Variants in PLEKHG7 observed in about 807,000 individuals in gnomAD.
The protein encoded by PLEKHG7 is pleckstrin homology and RhoGEF domain containing G7.
A neutral mutation model predicts 85.2 loss-of-function variants in PLEKHG7; 77 were observed. The observed-to-expected ratio is 0.90, with a 90% CI of 0.75 to 1.09. The LOEUF is 1.09. PLEKHG7 is among the 50% of genes least tolerant of loss of function. PLEKHG7 has a pLI of 0.00. For synonymous variants in PLEKHG7, 301 were observed against 302.4 expected (o/e 1.00, Z 0.05); for missense variants, 777 against 804.3 (o/e 0.97, Z 0.41).
At chr12:92,707,187 A>G (rs938145547) in intron 2 of PLEKHG7, 49 bp downstream of exon 2, 2 of 1,562,996 alleles carry the variant, frequency 1.3e-6, no homozygotes, top group Non-Finnish European at 1.7e-6. Flanking sequence ...ACCACAAAGC[A>G]AAATAGATCT....
chr12:92,729,168 A>T (rs889104733), intron 4 of PLEKHG7, 48 bp downstream of exon 4: 4 of 1,230,806 alleles, frequency 3.2e-6, no homozygotes, highest in Non-Finnish European at 3.0e-6. Context: ...TGTGGAACAG[A>T]TATTGCCATA....
intron 3 of PLEKHG7, among the ~76,000 whole-genome samples, chr12:92,709,794 G>A (rs963468517): frequency 6.6e-5 from 10 of 152,234 alleles, no homozygotes; most frequent in Non-Finnish European, 8.8e-5. Context: ...TATAATCCCA[G>A]CACTGTGGAA....
At chr12:92,736,951 C>A (rs1179373173) in intron 6 of PLEKHG7, among the ~76,000 whole-genome samples, 1 of 152,192 alleles carries the variant, frequency 6.6e-6, no homozygotes, top group Non-Finnish European at 1.5e-5. Context: ...GCTCTCACTT[C>A]ATGCTTCTTC....
At chr12:92,726,644 G>A (rs1165766303) in intron 3 of PLEKHG7, among the ~76,000 whole-genome samples, 1 of 152,114 alleles carries the variant, frequency 6.6e-6, no homozygotes, top group African/African-American at 2.4e-5. Context: ...GCTCCTTAGA[G>A]ATCACTGAGC....
chr12:92,732,468 CAG>C (rs774338016), intron 5 of PLEKHG7, among the ~76,000 whole-genome samples, 195 bp downstream of exon 5: 3 of 152,178 alleles, frequency 2.0e-5, no homozygotes, highest in Non-Finnish European at 4.4e-5. Flanking sequence ...TGCAGCGAAA[CAG>C]TGCTAATTGC....
chr12:92,715,896 CCCACAAAGCCT>C (rs1482929084), intron 3 of PLEKHG7, among the ~76,000 whole-genome samples: 1 of 152,124 alleles, frequency 6.6e-6, no homozygotes, highest in Non-Finnish European at 1.5e-5. Flanking sequence ...GACTGCATGG[CCCACAAAGCCT>C]AAAATGTTTA....
In PLEKHG7 at chr12:92,720,077, C is replaced by A. The variant is rs1411686342; in HGVS notation, c.531-8916C>A. Among the ~76,000 whole-genome samples, 4 of 152,150 alleles carry A rather than the reference C, an allele frequency of 2.6e-5. No homozygotes were observed. The East Asian group carries it at 7.7e-4, about 29-fold the overall frequency. On this transcript the variant is annotated intron_variant, in intron 3 of 16. Coordinates refer to ENST00000344636, the MANE Select transcript of PLEKHG7 (RefSeq NM_001377329.1). ...GCCCCATATTCGTTTCCTGTGGCTG[C>A]TATGATAAATTACCATAAATCAGGT... is the stretch of plus-strand genomic sequence containing the variant.
intron 9 of PLEKHG7, among the ~76,000 whole-genome samples, chr12:92,744,320 G>C (rs1328961660): frequency 6.6e-6 from 1 of 152,154 alleles, no homozygotes; most frequent in Non-Finnish European, 1.5e-5. Flanking sequence ...AGACACTATG[G>C]AATCCTGAAG....
rs1357969849 is a variant in PLEKHG7, at chr12:92,761,765, C to T, written c.1650C>T (p.Phe550=). 1.9e-6 allele frequency: 3 copies of T among 1,575,540 alleles called. No homozygotes were observed. The highest frequency in any genetic ancestry group is 2.8e-5 in the African/African-American group (2 of 72,104). The change falls in exon 14 of 17, where the codon TTC becomes TTT. Residue 550 remains phenylalanine, a synonymous_variant. Transcript: ENST00000344636. Reference sequence around the variant, plus strand: ...TTTTTTCCTCAGAAAGCACGAGATTCCTAGATGTTTATCTGTTTCTCTTCA... The same window carrying T: ...TTTTTTCCTCAGAAAGCACGAGATTTCTAGATGTTTATCTGTTTCTCTTCA... ...GKLTLAESTR[F]LDVYLFLFND...
chr12:92,714,962 A>G (rs895128708), intron 3 of PLEKHG7, among the ~76,000 whole-genome samples: 1 of 151,938 alleles, frequency 6.6e-6, no homozygotes, highest in African/African-American at 2.4e-5. Context: ...CTCTAGAACC[A>G]CTCCTTGTAC....
chr12:92,725,973 G>A (rs1371356375), intron 3 of PLEKHG7, among the ~76,000 whole-genome samples: 3 of 152,120 alleles, frequency 2.0e-5, no homozygotes, highest in African/African-American at 7.2e-5. Context: ...GGGACTTGGG[G>A]ATGAGTATTT....
intron 8 of PLEKHG7, 133 bp downstream of exon 8, chr12:92,741,081 TAAG>T: frequency 1.7e-6 from 1 of 582,982 alleles, no homozygotes; most frequent in Non-Finnish European, 2.9e-6. Flanking sequence ...TTCAGGTTAA[TAAG>T]AAAGAAGTTG....
At chr12:92,717,955 G>A (rs187469468) in intron 3 of PLEKHG7, among the ~76,000 whole-genome samples, 4 of 152,234 alleles carry the variant, frequency 2.6e-5, no homozygotes, top group Admixed American at 1.3e-4. Flanking sequence ...CATTCATTCA[G>A]CACCTCCCAC....
At chr12:92,761,885 T>A in intron 14 of PLEKHG7, 54 bp downstream of exon 14, 2 of 1,479,898 alleles carry the variant, frequency 1.4e-6, no homozygotes. Context: ...TAAATGAGTT[T>A]AGAAATATTT....
At chr12:92,761,331 A>C (rs1036860078) in intron 13 of PLEKHG7, among the ~76,000 whole-genome samples, 2 of 152,158 alleles carry the variant, frequency 1.3e-5, no homozygotes, top group Non-Finnish European at 2.9e-5. Context: ...GCCACTACAA[A>C]TAACATCTGA....
At chr12:92,753,758 G>T (rs1425843300) in intron 10 of PLEKHG7, among the ~76,000 whole-genome samples, 1 of 152,156 alleles carries the variant, frequency 6.6e-6, no homozygotes, top group Non-Finnish European at 1.5e-5. Flanking sequence ...TGTCCTAACT[G>T]CATCACAACA....
Position 92,723,815 on chromosome 12 carries a change from G to A in PLEKHG7, c.531-5178G>A, listed in dbSNP as rs570524387. ...AGCCATCCAAGAAGGGGTTGGGGAA[G>A]ATGAATCCTTCCACCCCAACAGTAG... On this transcript the variant is annotated intron_variant, in intron 3 of 16. Coordinates refer to ENST00000344636, the MANE Select transcript of PLEKHG7 (RefSeq NM_001377329.1). Among the ~76,000 whole-genome samples, 7 of 152,252 alleles carry A rather than the reference G, an allele frequency of 4.6e-5. 1 individual carries two copies. In the East Asian group the frequency reaches 1.3e-3, roughly 29 times the overall value.
intron 11 of PLEKHG7, among the ~76,000 whole-genome samples, chr12:92,754,691 T>C (rs1872778740): frequency 6.6e-6 from 1 of 152,198 alleles, no homozygotes; most frequent in Admixed American, 6.5e-5. Flanking sequence ...AGGGTCAATA[T>C]GGAACTACTG....
chr12:92,762,794 C>A (rs1226380682), intron 14 of PLEKHG7, among the ~76,000 whole-genome samples: 4 of 152,174 alleles, frequency 2.6e-5, no homozygotes, highest in African/African-American at 4.8e-5. Context: ...TATGTCATAT[C>A]TTTTAATAAA....
Sources: gnomAD v4.1 joint callset for allele counts (sites outside exome capture counted in the v4.1 genomes callset) on GRCh38, gnomAD v4.1.1 for gene constraint, MANE v1.5 for transcripts, NCBI Gene and HGNC (gene_info 2026-07-23, HGNC 2026-07-21) for gene names.